The following TRAPPC9 variants were observed in gnomAD, a reference collection of about 807,000 sequenced individuals.
The protein encoded by TRAPPC9 is IKK2 binding protein.
TRAPPC9 carries 83 observed loss-of-function variants against 124.0 expected under a neutral mutation model. The ratio of observed to expected loss-of-function variants is 0.67; its 90% CI spans 0.56 to 0.80. The LOEUF is 0.80. Ranked by LOEUF, TRAPPC9 falls within the 30% of genes least tolerant of loss-of-function variation. The pLI is 0.00. For missense variants in TRAPPC9, 1,302 were observed against 1,508.3 expected (o/e 0.86, Z 2.27); for synonymous variants, 638 against 617.5 (o/e 1.03, Z -0.49).
intron 19 of TRAPPC9, among the ~76,000 whole-genome samples, chr8:139,951,364 G>C (rs571655959): frequency 5.6e-4 from 85 of 152,324 alleles, no homozygotes; most frequent in African/African-American, 1.9e-3. Context: ...TGTGCCATGA[G>C]GGTTCAAGAT....
chr8:140,302,336 T>C (rs1245399977), intron 10 of TRAPPC9, among the ~76,000 whole-genome samples: 1 of 152,238 alleles, frequency 6.6e-6, no homozygotes, highest in Non-Finnish European at 1.5e-5. Flanking sequence ...CCCTTCATTA[T>C]GCCTTTATCA....
At chr8:140,281,893 C>T (rs2065333068) in intron 14 of TRAPPC9, among the ~76,000 whole-genome samples, 1 of 152,218 alleles carries the variant, frequency 6.6e-6, no homozygotes, top group Non-Finnish European at 1.5e-5. Flanking sequence ...AGCCTGTTGT[C>T]GCCTCCTGGA....
intron 3 of TRAPPC9, among the ~76,000 whole-genome samples, chr8:140,436,623 G>A (rs1007391596): frequency 2.0e-5 from 3 of 152,142 alleles, no homozygotes; most frequent in Admixed American, 6.6e-5. Flanking sequence ...ACACAGCACC[G>A]TCCTTCTCTG....
At chr8:140,052,068 G>C (rs866779995) in intron 17 of TRAPPC9, among the ~76,000 whole-genome samples, 1 of 152,204 alleles carries the variant, frequency 6.6e-6, no homozygotes, top group African/African-American at 2.4e-5. Flanking sequence ...GTGACCACCA[G>C]AGGAGGAAGG....
At chr8:140,024,121 T>C in intron 17 of TRAPPC9, 42 bp from the exon 18 acceptor site, 1 of 1,602,542 alleles carries the variant, frequency 6.2e-7, no homozygotes, top group Non-Finnish European at 8.5e-7. Flanking sequence ...CACACATTAG[T>C]AACTCTCTAG....
chr8:140,458,286 C>G, upstream of TRAPPC9: 1 of 1,555,360 alleles, frequency 6.4e-7, no homozygotes, highest in South Asian at 1.2e-5. Context: ...CTTACCAGTC[C>G]TTCAGGGCGC....
At chr8:139,867,827 A>G (rs1828648104) in intron 21 of TRAPPC9, among the ~76,000 whole-genome samples, 1 of 152,254 alleles carries the variant, frequency 6.6e-6, no homozygotes, top group African/African-American at 2.4e-5. Context: ...GACTAAATGT[A>G]TATAACAGCT....
chr8:139,870,597 A>G (rs1185409238), intron 21 of TRAPPC9, among the ~76,000 whole-genome samples: 1 of 149,814 alleles, frequency 6.7e-6, no homozygotes, highest in South Asian at 2.1e-4. Context: ...CCAGCTCCAC[A>G]GGATGGAGAT....
intron 7 of TRAPPC9, among the ~76,000 whole-genome samples, chr8:140,394,931 C>T (rs34546307): frequency 0.27 from 41,068 of 152,056 alleles, 6,687 homozygotes; most frequent in South Asian, 0.43. Context: ...ATCTGTGGCC[C>T]GGCGCAGTGC....
chr8:140,128,533 G>C (rs1377077103), intron 17 of TRAPPC9, among the ~76,000 whole-genome samples: 1 of 152,250 alleles, frequency 6.6e-6, no homozygotes, highest in Non-Finnish European at 1.5e-5. Context: ...AAAAGTCTGG[G>C]TGAGGCAAAT....
intron 21 of TRAPPC9, among the ~76,000 whole-genome samples, chr8:139,750,347 GGCCTC>G (rs1819231418): frequency 1.3e-5 from 2 of 152,182 alleles, no homozygotes; most frequent in Admixed American, 1.3e-4. Context: ...CGCCTCCCCA[GGCCTC>G]AGCAGGCTCA....
At chr8:140,108,420 G>A (rs184221669) in intron 17 of TRAPPC9, among the ~76,000 whole-genome samples, 87 of 152,276 alleles carry the variant, frequency 5.7e-4, no homozygotes, top group Non-Finnish European at 9.7e-4. Flanking sequence ...CAGAAGCTCT[G>A]CACAATTCCC....
chr8:139,871,138 A>C (rs553801383), intron 21 of TRAPPC9, among the ~76,000 whole-genome samples: 1 of 152,354 alleles, frequency 6.6e-6, no homozygotes, highest in South Asian at 2.1e-4. Context: ...AAGTCCCTGC[A>C]GTAGAGGCTT....
At chr8:140,428,746 A>G (rs2070518765) in intron 4 of TRAPPC9, among the ~76,000 whole-genome samples, 1 of 152,226 alleles carries the variant, frequency 6.6e-6, no homozygotes, top group Non-Finnish European at 1.5e-5. Flanking sequence ...GTTGAAATAC[A>G]AATCAAGTTC....
chr8:139,929,288 G>A (rs1388900712), intron 19 of TRAPPC9, among the ~76,000 whole-genome samples: 3 of 152,238 alleles, frequency 2.0e-5, no homozygotes, highest in Admixed American at 2.0e-4. Flanking sequence ...GCACAGCACA[G>A]AGTGGATGAT....
chr8:140,436,885 C>G (rs1451767016), intron 3 of TRAPPC9, among the ~76,000 whole-genome samples: 1 of 152,180 alleles, frequency 6.6e-6, no homozygotes, highest in Non-Finnish European at 1.5e-5. Context: ...TTTTCCATCC[C>G]TAATTCTTAC....
intron 19 of TRAPPC9, among the ~76,000 whole-genome samples, chr8:139,930,972 C>T (rs950392077): frequency 6.6e-6 from 1 of 152,256 alleles, no homozygotes; most frequent in African/African-American, 2.4e-5. Context: ...ATGCAGGGTG[C>T]CCACCCTGCT....
At chr8:140,036,895 G>A (rs370108180) in intron 17 of TRAPPC9, among the ~76,000 whole-genome samples, 4 of 151,998 alleles carry the variant, frequency 2.6e-5, no homozygotes, top group East Asian at 1.9e-4. Flanking sequence ...TGTGCAGAAC[G>A]TGCAGTTTTG....
chr8:139,790,063 G>A (rs1240673569), intron 21 of TRAPPC9, among the ~76,000 whole-genome samples: 3 of 152,206 alleles, frequency 2.0e-5, no homozygotes, highest in African/African-American at 4.8e-5. Context: ...GCTGCTGAGC[G>A]GGAACAGCAG....
Sources: allele counts gnomAD v4.1 joint callset (sites outside exome capture counted in the v4.1 genomes callset), GRCh38; gene constraint gnomAD v4.1.1; transcripts MANE v1.5; gene names NCBI Gene and HGNC (gene_info 2026-07-23, HGNC 2026-07-21).